The following ARPP21 variants were observed in gnomAD, a reference collection of about 807,000 sequenced individuals.
ARPP21 encodes cAMP regulated phosphoprotein 21, also known as cAMP-regulated phosphoprotein 21.
ARPP21 carries 69 observed loss-of-function variants against 113.2 expected under a neutral mutation model. The ratio of observed to expected loss-of-function variants is 0.61; its 90% CI spans 0.50 to 0.74. ARPP21 has a LOEUF of 0.74. ARPP21 is among the 30% of genes least tolerant of loss of function. ARPP21 has a pLI of 0.00. For synonymous variants in ARPP21, 368 were observed against 375.5 expected (o/e 0.98, Z 0.23); for missense variants, 1,070 against 1,037.4 (o/e 1.03, Z -0.43).
At chr3:35,747,570 A>G (rs1433751383) in intron 19 of ARPP21, among the ~76,000 whole-genome samples, 1 of 152,102 alleles carries the variant, frequency 6.6e-6, no homozygotes, top group Non-Finnish European at 1.5e-5. Flanking sequence ...TTTCTTTCTG[A>G]GGGAATTATT....
chr3:35,653,824 G>C (rs138373861), intron 1 of ARPP21, among the ~76,000 whole-genome samples: 42 of 152,098 alleles, frequency 2.8e-4, no homozygotes, highest in Non-Finnish European at 5.1e-4. Context: ...CACTGAAATT[G>C]TATGTATATC....
At position 35,709,064 on chromosome 3, in the gene ARPP21, A is replaced by C. The variant is rs763594498; in HGVS notation, c.891A>C (p.Ala297=). Residue 297 remains alanine (A), a synonymous_variant, in exon 11 of 21, where the codon GCA becomes GCC. Coordinates refer to ENST00000684406, the MANE Select transcript of ARPP21 (RefSeq NM_001385562.1). ...AGAGAGTGAGGGAGAGAATATTTGC[A>C]CACGATGTGAGTAGTTGTTTTAATT... ...EYQRVRERIF[A]HDSVCSQESL... The C allele has an allele frequency of 2.5e-6, 4 of 1,608,584 alleles. No homozygotes were observed. In the Admixed American group the frequency reaches 5.0e-5, roughly 20 times the overall value.
intron 9 of ARPP21, among the ~76,000 whole-genome samples, chr3:35,693,517 TCA>T (rs781001392): frequency 6.6e-6 from 1 of 151,660 alleles, no homozygotes; most frequent in African/African-American, 2.4e-5. Flanking sequence ...TAGGAACAAA[TCA>T]CAGTTTTCAG....
intron 1 of ARPP21, among the ~76,000 whole-genome samples, chr3:35,679,176 C>A (rs1195599908): frequency 6.6e-6 from 1 of 151,874 alleles, no homozygotes; most frequent in Admixed American, 6.6e-5. Flanking sequence ...TGTGTTCACC[C>A]TGCAACAAGA....
chr3:35,644,759 G>GC (rs1326261452), intron 1 of ARPP21, among the ~76,000 whole-genome samples: 1 of 151,874 alleles, frequency 6.6e-6, no homozygotes, highest in African/African-American at 2.4e-5. Context: ...TTATGCTCCT[G>GC]TTTTTTAGTC....
intron 13 of ARPP21, 27 bp from the exon 14 acceptor site, chr3:35,721,578 T>C: frequency 7.7e-7 from 1 of 1,297,156 alleles, no homozygotes. Context: ...CCTGTCCCTG[T>C]GCATCTTTCT....
At chr3:35,656,123 G>A (rs1704761345) in intron 1 of ARPP21, among the ~76,000 whole-genome samples, 2 of 151,996 alleles carry the variant, frequency 1.3e-5, no homozygotes, top group South Asian at 4.1e-4. Context: ...TTTTAAAGGA[G>A]TAGATGAGGA....
intron 9 of ARPP21, among the ~76,000 whole-genome samples, chr3:35,695,075 G>A (rs115499011): frequency 0.015 from 2,215 of 150,742 alleles, 51 homozygotes; most frequent in African/African-American, 0.05. Flanking sequence ...AATTATGTTC[G>A]TAAGAGGGGG....
At chr3:35,726,589 T>C (rs1562503) in intron 14 of ARPP21, among the ~76,000 whole-genome samples, 54,307 of 152,162 alleles carry the variant, frequency 0.36, 10,967 homozygotes, top group East Asian at 0.72. Context: ...TGCTGCTTTT[T>C]TTTTCCCTCA....
chr3:35,710,580 CA>C (rs1559702092), intron 11 of ARPP21, among the ~76,000 whole-genome samples: 2 of 149,866 alleles, frequency 1.3e-5, no homozygotes, highest in African/African-American at 2.5e-5. Flanking sequence ...CACACACACA[CA>C]CACACATTTT....
intron 14 of ARPP21, among the ~76,000 whole-genome samples, chr3:35,726,925 G>A (rs2093579035): frequency 6.6e-6 from 1 of 152,160 alleles, no homozygotes; most frequent in Admixed American, 6.5e-5. Context: ...TGTCAAATGT[G>A]TAACGTAGCA....
chr3:35,710,635 GT>G (rs1233514556), intron 11 of ARPP21, among the ~76,000 whole-genome samples: 2 of 151,368 alleles, frequency 1.3e-5, no homozygotes, highest in African/African-American at 4.9e-5. Context: ...TTATGAATGA[GT>G]TATGTTGAAA....
At chr3:35,661,287 C>A (rs1575531122) in intron 1 of ARPP21, among the ~76,000 whole-genome samples, 1 of 152,060 alleles carries the variant, frequency 6.6e-6, no homozygotes, top group African/African-American at 2.4e-5. Context: ...GTATGAAAAT[C>A]AGTTATTGAG....
intron 1 of ARPP21, among the ~76,000 whole-genome samples, chr3:35,667,679 G>T (rs1263209043): frequency 6.6e-6 from 1 of 151,888 alleles, no homozygotes; most frequent in Non-Finnish European, 1.5e-5. Context: ...AGTCCTTCTA[G>T]TTAATTAAAA....
At chr3:35,749,796 A>G (rs62259488) in intron 19 of ARPP21, among the ~76,000 whole-genome samples, 15,740 of 152,136 alleles carry the variant, frequency 0.1, 1,057 homozygotes, top group Non-Finnish European at 0.15. Flanking sequence ...GTAGTTTGTG[A>G]TCATTAAGGT....
intron 6 of ARPP21, among the ~76,000 whole-genome samples, chr3:35,688,111 G>C (rs2081148442): frequency 6.6e-6 from 1 of 151,362 alleles, no homozygotes; most frequent in Admixed American, 6.6e-5. Context: ...ATATTTCTTT[G>C]GATTCACATT....
chr3:35,786,793 G>A (rs976955610), intron 19 of ARPP21, among the ~76,000 whole-genome samples: 4 of 152,238 alleles, frequency 2.6e-5, no homozygotes, highest in South Asian at 4.1e-4. Context: ...TTCATTGTGA[G>A]TGAAACTGTG....
chr3:35,706,899 G>A, intron 9 of ARPP21, 75 bp from the exon 10 acceptor site: 2 of 1,104,292 alleles, frequency 1.8e-6, no homozygotes, highest in Admixed American at 2.1e-5. Flanking sequence ...CACTGTGGGG[G>A]AAGAACAACA....
rs532411872 is a variant in ARPP21 at position 35,753,763 on chromosome 3, G to A, written c.2137+9798G>A. ...GAAGTAATGTTTCTGATATAATAGC[G>A]AGCTGTTAGTATTAACAGCTCCAAG... On this transcript the variant is annotated intron_variant, in intron 19 of 20. Transcript: ENST00000684406. Among the ~76,000 whole-genome samples the A allele has an allele frequency of 5.3e-5, 8 of 151,800 alleles. No homozygotes were observed. The South Asian group carries it at 8.3e-4, about 16-fold the overall frequency.
Sources: gnomAD v4.1 joint callset for allele counts (sites outside exome capture counted in the v4.1 genomes callset) on GRCh38, gnomAD v4.1.1 for gene constraint, MANE v1.5 for transcripts, NCBI Gene and HGNC (gene_info 2026-07-23, HGNC 2026-07-21) for gene names.